TBC1D9: variants seen among roughly 807,000 people sequenced by gnomAD.
TBC1D9 encodes TBC1 domain family member 9A.
Under a neutral mutation model 132.0 loss-of-function variants are expected in TBC1D9, and 63 were observed. The observed-to-expected ratio is 0.48, with a 90% CI of 0.39 to 0.59. TBC1D9 has a LOEUF of 0.59. TBC1D9 is among the 20% of genes least tolerant of loss of function. The pLI, the probability that TBC1D9 is intolerant of heterozygous loss-of-function variation, is 0.00. For missense variants in TBC1D9, 1,261 were observed against 1,592.7 expected, an observed-to-expected ratio of 0.79 and a Z score of 3.54; for synonymous variants, 610 against 609.9, an observed-to-expected ratio of 1.00 and a Z score of 0.00.
chr4:140,633,872 C>A, intron 16 of TBC1D9, 76 bp downstream of exon 16: 1 of 1,565,616 alleles, frequency 6.4e-7, no homozygotes. Context: ...TTCTGTAGCC[C>A]TGAGGGCAGC....
intron 3 of TBC1D9, among the ~76,000 whole-genome samples, chr4:140,685,938 TAAC>T (rs146147826): frequency 0.2 from 30,070 of 151,906 alleles, 3,493 homozygotes; most frequent in African/African-American, 0.32. Flanking sequence ...TGACTATAGT[TAAC>T]AACAATATAT....
intron 12 of TBC1D9, 141 bp from the exon 13 acceptor site, chr4:140,657,367 C>A (rs1432869419): frequency 7.4e-7 from 1 of 1,345,834 alleles, no homozygotes; most frequent in Non-Finnish European, 1.0e-6. Flanking sequence ...GAAAGAAATT[C>A]TGTTAATTTC....
chr4:140,720,801 C>A (rs918129703), intron 1 of TBC1D9, among the ~76,000 whole-genome samples: 1 of 152,240 alleles, frequency 6.6e-6, no homozygotes, highest in African/African-American at 2.4e-5. Context: ...AAGCTTCTAA[C>A]CTCAGTGACA....
chr4:140,750,328 A>G (rs563095373), intron 1 of TBC1D9, among the ~76,000 whole-genome samples: 7 of 152,172 alleles, frequency 4.6e-5, no homozygotes, highest in Non-Finnish European at 1.0e-4. Flanking sequence ...TTTTAAAAGC[A>G]TAAGAATTAA....
At chr4:140,628,269 A>G (rs773884864) in intron 17 of TBC1D9, 31 bp downstream of exon 17, 1 of 1,610,580 alleles carries the variant, frequency 6.2e-7, no homozygotes, top group South Asian at 1.1e-5. Flanking sequence ...ATGGTTACAG[A>G]CACAAGTACT....
At chr4:140,705,859 G>A (rs1410071242) in intron 1 of TBC1D9, among the ~76,000 whole-genome samples, 1 of 152,148 alleles carries the variant, frequency 6.6e-6, no homozygotes, top group Non-Finnish European at 1.5e-5. Context: ...AATCTTGATT[G>A]CCTAAGATAA....
At chr4:140,677,166 G>A (rs1180421449) in intron 5 of TBC1D9, 65 bp from the exon 6 acceptor site, 3 of 1,579,402 alleles carry the variant, frequency 1.9e-6, no homozygotes, top group East Asian at 2.2e-5. Context: ...TTATGCAGCA[G>A]CGGAAGTTCC....
intron 9 of TBC1D9, among the ~76,000 whole-genome samples, chr4:140,662,490 T>C (rs1054981533): frequency 1.3e-5 from 2 of 152,154 alleles, no homozygotes; most frequent in African/African-American, 2.4e-5. Flanking sequence ...CCCAGCAGCT[T>C]TGCTTTTATT....
intron 13 of TBC1D9, chr4:140,643,742 G>T (rs150985196): frequency 1.7e-6 from 2 of 1,148,312 alleles, no homozygotes; most frequent in Admixed American, 2.2e-5. Flanking sequence ...GGGAATCCAC[G>T]CATGCTTCAG....
intron 1 of TBC1D9, among the ~76,000 whole-genome samples, chr4:140,716,414 C>T (rs755757602): frequency 3.9e-5 from 6 of 151,938 alleles, no homozygotes; most frequent in Non-Finnish European, 5.9e-5. Flanking sequence ...TCCCTCGAAC[C>T]TGGAGATGGA....
chr4:140,646,999 A>G (rs1034062362), intron 13 of TBC1D9, among the ~76,000 whole-genome samples: 1 of 152,206 alleles, frequency 6.6e-6, no homozygotes, highest in Non-Finnish European at 1.5e-5. Context: ...AAAAACTTTC[A>G]AGGAAGGTAA....
intron 1 of TBC1D9, among the ~76,000 whole-genome samples, chr4:140,752,182 C>G (rs1390280431): frequency 6.6e-6 from 1 of 152,070 alleles, no homozygotes; most frequent in Non-Finnish European, 1.5e-5. Context: ...ACCAACAATA[C>G]AGTTGATAAA....
At chr4:140,726,156 G>A (rs962857951) in intron 1 of TBC1D9, among the ~76,000 whole-genome samples, 2 of 152,068 alleles carry the variant, frequency 1.3e-5, no homozygotes, top group Non-Finnish European at 2.9e-5. Context: ...GGGCGTGGTG[G>A]TGCATGCCTG....
At position 140,622,258 on chromosome 4, in the gene TBC1D9, G is replaced by T. The variant is rs753097399; in HGVS notation, c.3738C>A (p.Ile1246=). 115 of 1,606,010 alleles carry T rather than the reference G, an allele frequency of 7.2e-5. No individual in the cohort carries two copies. The highest frequency in any genetic ancestry group is 9.7e-5 in the Non-Finnish European group (114 of 1,173,306). Residue 1246 remains isoleucine, a synonymous_variant, in exon 21 of 21, where the codon ATC becomes ATA. Coordinates refer to ENST00000442267, the MANE Select transcript of TBC1D9 (RefSeq NM_015130.3). ...AGGTGAGGGGCTTGCCCATCATCCG[G>T]ATGTTTTTTGCACTGGTAATCCTGG... The part of the protein sequence containing the change: ...MMARITSAKN[I]RMMGKPLTSA...
rs1463575129 is a variant in TBC1D9 at position 140,718,266 on chromosome 4, T to G, written c.131-16652A>C. 3.9e-5 allele frequency among the ~76,000 whole-genome samples: 5 copies of G among 128,348 alleles called. No homozygotes were observed. The South Asian group carries it at 1.2e-3, about 31-fold the overall frequency. The allele number at this position is 128,348 out of a possible 152,430, so 84.2% of individuals were successfully genotyped here. On this transcript the variant is annotated intron_variant, in intron 1 of 20. Transcript: ENST00000442267. ...TTTTCAGAAAAAAAAAAAAAAAAAG[T>G]ACATTCAGCTATGCACATTGGGAGG...
At chr4:140,715,010 T>A (rs1198510670) in intron 1 of TBC1D9, among the ~76,000 whole-genome samples, 1 of 152,088 alleles carries the variant, frequency 6.6e-6, no homozygotes, top group Admixed American at 6.5e-5. Flanking sequence ...TAGCCCTAGC[T>A]ACTCGGGAGG....
intron 13 of TBC1D9, chr4:140,644,785 G>C (rs1355547905): frequency 2.5e-6 from 1 of 402,856 alleles, no homozygotes; most frequent in African/African-American, 2.1e-5. Context: ...GGGGCAAAGG[G>C]GCAGCACGGT....
At chr4:140,739,556 A>G (rs976462647) in intron 1 of TBC1D9, among the ~76,000 whole-genome samples, 1 of 152,252 alleles carries the variant, frequency 6.6e-6, no homozygotes, top group Non-Finnish European at 1.5e-5. Flanking sequence ...ATGACAATCA[A>G]TTAAAGAATG....
chr4:140,701,317 G>A (rs564141545), intron 2 of TBC1D9, among the ~76,000 whole-genome samples, 187 bp downstream of exon 2: 1 of 152,242 alleles, frequency 6.6e-6, no homozygotes, highest in African/African-American at 2.4e-5. Flanking sequence ...CTATCAGAGT[G>A]AGAAAGAAAC....
Sources: allele counts gnomAD v4.1 joint callset (sites outside exome capture counted in the v4.1 genomes callset), GRCh38; gene constraint gnomAD v4.1.1; transcripts MANE v1.5; gene names NCBI Gene and HGNC (gene_info 2026-07-23, HGNC 2026-07-21).